The following DMD variants were observed in gnomAD, a reference collection of about 807,000 sequenced individuals.
The protein encoded by DMD is mutant dystrophin.
In DMD, 63 loss-of-function variants were observed where a neutral mutation model predicts 330.1. That is an observed-to-expected ratio of 0.19 (90% CI 0.16 to 0.24). The LOEUF (loss-of-function observed/expected upper bound fraction) is 0.24, where lower values mean the gene tolerates loss of function less well. DMD is among the 10% of genes least tolerant of loss of function. DMD has a pLI of 1.00. For missense variants in DMD, 3,344 were observed against 2,684.1 expected (o/e 1.25, Z -5.43); for synonymous variants, 1,223 against 959.8 (o/e 1.27, Z -5.07).
intron 1 of DMD, among the ~76,000 whole-genome samples, chrX:33,053,857 G>A (rs1349855051): frequency 9.0e-6 from 1 of 110,717 alleles, no homozygotes; most frequent in Non-Finnish European, 1.9e-5. Flanking sequence ...AGGGATGGGT[G>A]GGTTCGGTGG....
intron 6 of DMD, among the ~76,000 whole-genome samples, chrX:32,813,007 GA>G (rs1182860438): frequency 3.6e-5 from 4 of 110,584 alleles, no homozygotes; most frequent in Non-Finnish European, 7.6e-5. Context: ...AGTATGATGA[GA>G]AAAAAGAGCA....
intron 44 of DMD, among the ~76,000 whole-genome samples, chrX:32,125,560 G>A (rs943918823): frequency 3.6e-5 from 4 of 111,759 alleles, no homozygotes; most frequent in African/African-American, 9.8e-5. Context: ...GAGTTTCAGG[G>A]CTGGAGATGT....
chrX:31,772,383 C>A (rs1354639694), intron 51 of DMD, among the ~76,000 whole-genome samples: 1 of 111,714 alleles, frequency 9.0e-6, no homozygotes, highest in African/African-American at 3.3e-5. Flanking sequence ...AAAACCTGGG[C>A]TTTAAACATT....
chrX:31,937,019 C>G (rs1241489484), intron 45 of DMD, among the ~76,000 whole-genome samples: 1 of 110,975 alleles, frequency 9.0e-6, no homozygotes, highest in Non-Finnish European at 1.9e-5. Flanking sequence ...TAGGTTAACC[C>G]GCTCTCCCAC....
chrX:32,325,912 G>T, intron 41 of DMD, among the ~76,000 whole-genome samples: 1 of 107,559 alleles, frequency 9.3e-6, no homozygotes, highest in Middle Eastern at 4.9e-3. Context: ...CAATTTATAA[G>T]CAACTAATTA....
chrX:31,437,816 A>G (rs1396627330), intron 60 of DMD, among the ~76,000 whole-genome samples: 1 of 107,302 alleles, frequency 9.3e-6, no homozygotes, highest in Admixed American at 1.0e-4. Flanking sequence ...CCTGATATAT[A>G]TATATATATA....
Position 31,551,083 on chromosome X carries a change from G to C in DMD, c.8218-43630C>G, listed in dbSNP as rs1464204568. 3.7e-5 allele frequency among the ~76,000 whole-genome samples: 4 copies of C among 107,199 alleles called. No individual in the cohort carries two copies. In the Admixed American group the frequency reaches 4.1e-4, roughly 11 times the overall value. 93.1% of individuals were successfully genotyped at this position (107,199 alleles called of 115,157 possible). ...TAGTCCCAGCTACTCAAGAGGCTGA[G>C]GCAGGAGAATCACTTGAACTCGGGA... On this transcript the variant is annotated intron_variant, in intron 55 of 78. Coordinates refer to ENST00000357033, the MANE Select transcript of DMD (RefSeq NM_004006.3).
chrX:31,274,395 G>A (rs965950349), intron 62 of DMD, among the ~76,000 whole-genome samples: 4 of 112,081 alleles, frequency 3.6e-5, no homozygotes, highest in Non-Finnish European at 7.5e-5. Flanking sequence ...AGTAGTCAGA[G>A]AGCAAGTGAA....
At chrX:31,444,349 T>A in intron 60 of DMD, 132 bp downstream of exon 60, 2 of 748,771 alleles carry the variant, frequency 2.7e-6, no homozygotes, top group Non-Finnish European at 3.9e-6. Context: ...TATAAACTAA[T>A]ATAAAATATC....
intron 1 of DMD, among the ~76,000 whole-genome samples, chrX:33,073,538 A>G (rs1412509119): frequency 9.0e-6 from 1 of 111,565 alleles, no homozygotes; most frequent in African/African-American, 3.3e-5. Flanking sequence ...TACATATTAA[A>G]CAGCTAAGGC....
At chrX:32,107,520 C>T (rs920879659) in intron 44 of DMD, among the ~76,000 whole-genome samples, 2 of 109,404 alleles carry the variant, frequency 1.8e-5, no homozygotes, top group African/African-American at 3.3e-5. Flanking sequence ...CGAAGTAGAG[C>T]AGACTTGAGA....
intron 55 of DMD, among the ~76,000 whole-genome samples, chrX:31,545,766 A>C (rs1487100795): frequency 9.0e-6 from 1 of 111,202 alleles, no homozygotes; most frequent in Non-Finnish European, 1.9e-5. Context: ...CTGCCCCCAA[A>C]TGTATCAGGA....
intron 60 of DMD, among the ~76,000 whole-genome samples, chrX:31,405,046 A>C (rs1023399496): frequency 8.9e-5 from 10 of 111,900 alleles, no homozygotes; most frequent in Non-Finnish European, 1.9e-5. Context: ...GACTCTCGGC[A>C]CTATTCCTGG....
chrX:32,483,798 T>C (rs1411022169), intron 21 of DMD, among the ~76,000 whole-genome samples: 1 of 25,653 alleles, frequency 3.9e-5, no homozygotes, highest in Non-Finnish European at 7.2e-5. Context: ...ATAAACCCCT[T>C]AGCAAAAACG....
At chrX:32,226,804 T>C (rs949807450) in intron 43 of DMD, among the ~76,000 whole-genome samples, 2 of 111,038 alleles carry the variant, frequency 1.8e-5, no homozygotes, top group African/African-American at 6.5e-5. Context: ...ATTATCGATA[T>C]TAATACAGTT....
chrX:31,997,946 G>T (rs1255227176), intron 44 of DMD, among the ~76,000 whole-genome samples: 1 of 111,473 alleles, frequency 9.0e-6, no homozygotes, highest in Non-Finnish European at 1.9e-5. Context: ...AGAGCTTAAA[G>T]CACTTTATGG....
At chrX:33,062,518 C>T (rs1357154881) in intron 1 of DMD, among the ~76,000 whole-genome samples, 1 of 111,749 alleles carries the variant, frequency 8.9e-6, no homozygotes, top group African/African-American at 3.2e-5. Context: ...GTTCTGTTGC[C>T]CAGGCTGGAG....
chrX:32,458,563 C>A (rs1451945179), intron 25 of DMD, among the ~76,000 whole-genome samples: 1 of 110,920 alleles, frequency 9.0e-6, no homozygotes, highest in Admixed American at 9.6e-5. Context: ...TTTTGAGGAA[C>A]CTCCAAACTG....
intron 44 of DMD, among the ~76,000 whole-genome samples, chrX:32,076,303 G>T (rs771986049): frequency 9.2e-6 from 1 of 109,228 alleles, no homozygotes; most frequent in South Asian, 4.0e-4. Context: ...GTTACCTCTA[G>T]TGGGAAATTT....
Sources: gnomAD v4.1 joint callset for allele counts (sites outside exome capture counted in the v4.1 genomes callset) on GRCh38, gnomAD v4.1.1 for gene constraint, MANE v1.5 for transcripts, NCBI Gene and HGNC (gene_info 2026-07-23, HGNC 2026-07-21) for gene names.